PRKG1: variants seen among roughly 807,000 people sequenced by gnomAD.
PRKG1 encodes cGMP-dependent protein kinase 1.
PRKG1 carries 35 observed loss-of-function variants against 88.1 expected under a neutral mutation model. The ratio of observed to expected loss-of-function variants is 0.40; its 90% CI spans 0.30 to 0.53. The LOEUF (loss-of-function observed/expected upper bound fraction) is 0.53. Ranked by LOEUF, PRKG1 falls within the 20% of genes least tolerant of loss-of-function variation. The pLI, the probability that PRKG1 is intolerant of heterozygous loss-of-function variation, is 0.59. For missense variants in PRKG1, 540 were observed against 839.8 expected (o/e 0.64, Z 4.41); for synonymous variants, 303 against 292.5 (o/e 1.04, Z -0.37).
At chr10:51,489,549 G>T (rs1840650273) in intron 3 of PRKG1, among the ~76,000 whole-genome samples, 1 of 152,178 alleles carries the variant, frequency 6.6e-6, no homozygotes, top group South Asian at 2.1e-4. Context: ...AGGCACTTCT[G>T]ATCCACACTA....
At chr10:51,136,977 T>C (rs1016754029) in intron 1 of PRKG1, among the ~76,000 whole-genome samples, 1 of 152,096 alleles carries the variant, frequency 6.6e-6, no homozygotes, top group Admixed American at 6.5e-5. Context: ...TCTTGCCTCC[T>C]GGGTTCATGC....
intron 7 of PRKG1, among the ~76,000 whole-genome samples, chr10:52,125,017 T>C (rs1228104367): frequency 6.6e-5 from 10 of 152,196 alleles, no homozygotes; most frequent in Non-Finnish European, 7.3e-5. Flanking sequence ...GAGGCTCTTT[T>C]ATATTAAGCC....
intron 3 of PRKG1, among the ~76,000 whole-genome samples, chr10:51,538,476 G>A (rs1451399402): frequency 4.6e-5 from 3 of 65,924 alleles, no homozygotes; most frequent in Non-Finnish European, 6.8e-5. Flanking sequence ...ATGATGTTCA[G>A]CACATTATAT....
intron 9 of PRKG1, among the ~76,000 whole-genome samples, chr10:52,206,173 T>A (rs933203525): frequency 6.6e-6 from 1 of 152,206 alleles, no homozygotes. Context: ...TCTGAGATAT[T>A]TTTTTGTCTC....
intron 9 of PRKG1, among the ~76,000 whole-genome samples, chr10:52,228,923 C>G (rs1319619435): frequency 6.6e-6 from 1 of 152,200 alleles, no homozygotes; most frequent in Non-Finnish European, 1.5e-5. Context: ...CAGTTCGTCT[C>G]AGAAACATTA....
chr10:51,897,398 G>C (rs1457874104), intron 4 of PRKG1, among the ~76,000 whole-genome samples: 2 of 152,096 alleles, frequency 1.3e-5, no homozygotes, highest in African/African-American at 4.8e-5. Context: ...GCTTCCCAGA[G>C]ATAATTAATA....
intron 3 of PRKG1, among the ~76,000 whole-genome samples, chr10:51,619,629 C>T (rs1185742170): frequency 2.0e-5 from 3 of 152,274 alleles, no homozygotes; most frequent in South Asian, 4.1e-4. Context: ...TTTGAGTTTG[C>T]TACAGATGAT....
chr10:51,170,473 C>A lies in PRKG1; in HGVS notation c.478+17143C>A, dbSNP rs946576367. 4.7e-5 allele frequency among the ~76,000 whole-genome samples: 7 copies of A among 149,550 alleles called. No homozygotes were observed. In the East Asian group the frequency reaches 9.8e-4, roughly 21 times the overall value. On this transcript the variant is annotated intron_variant, in intron 2 of 17. Transcript: ENST00000373980. ...ACACACACACACACACACACACAAC[C>A]AGGAGGTAATAATGGCTATGAAAAC...
intron 3 of PRKG1, among the ~76,000 whole-genome samples, chr10:51,489,999 C>A (rs1652706916): frequency 6.6e-6 from 1 of 152,090 alleles, no homozygotes; most frequent in Admixed American, 6.6e-5. Flanking sequence ...GGAAACTTTT[C>A]TTTGAAGAAC....
At chr10:52,185,127 G>C (rs778332735) in intron 9 of PRKG1, 4 of 152,126 alleles carry the variant, frequency 2.6e-5, no homozygotes, top group Non-Finnish European at 4.4e-5. Flanking sequence ...AAAGTCTTAA[G>C]TCTTATCTGA....
At chr10:51,011,582 A>G (rs1373424932) in intron 1 of PRKG1, among the ~76,000 whole-genome samples, 1 of 152,176 alleles carries the variant, frequency 6.6e-6, no homozygotes, top group Non-Finnish European at 1.5e-5. Context: ...GGCTGCCAAA[A>G]ATTATTTAAT....
chr10:51,788,750 G>A (rs1255884711), intron 3 of PRKG1, among the ~76,000 whole-genome samples: 2 of 152,148 alleles, frequency 1.3e-5, no homozygotes, highest in Non-Finnish European at 1.5e-5. Flanking sequence ...AGGTGGCAGC[G>A]AACTGAGGTG....
chr10:51,137,140 C>T (rs1845706548), intron 1 of PRKG1, among the ~76,000 whole-genome samples: 2 of 152,184 alleles, frequency 1.3e-5, no homozygotes, highest in South Asian at 4.2e-4. Flanking sequence ...CTGCCTCGGC[C>T]TCCCAAAGTG....
intron 3 of PRKG1, among the ~76,000 whole-genome samples, chr10:51,751,893 T>G (rs1564632989): frequency 1.3e-5 from 2 of 152,146 alleles, no homozygotes; most frequent in Non-Finnish European, 2.9e-5. Context: ...CGTAAAGTAA[T>G]AAATATCTGA....
At chr10:51,165,011 A>G in intron 2 of PRKG1, among the ~76,000 whole-genome samples, 1 of 152,206 alleles carries the variant, frequency 6.6e-6, no homozygotes, top group Admixed American at 6.5e-5. Flanking sequence ...CAATCTAGCA[A>G]GGCAGGCCAA....
chr10:51,490,062 A>G (rs762219878), intron 3 of PRKG1, among the ~76,000 whole-genome samples: 1 of 152,242 alleles, frequency 6.6e-6, no homozygotes, highest in Admixed American at 6.6e-5. Context: ...ATTTCTAAAC[A>G]AGATGAAACA....
chr10:51,634,650 C>T (rs1839610346), intron 3 of PRKG1, among the ~76,000 whole-genome samples: 1 of 152,060 alleles, frequency 6.6e-6, no homozygotes, highest in South Asian at 2.1e-4. Context: ...CGACTTTACA[C>T]TAGTCATGAT....
intron 1 of PRKG1, among the ~76,000 whole-genome samples, chr10:51,124,896 A>G (rs960656007): frequency 6.6e-6 from 1 of 152,204 alleles, no homozygotes; most frequent in African/African-American, 2.4e-5. Flanking sequence ...CTGTAGTTCT[A>G]CCACAAAGAT....
At position 51,199,043 on chromosome 10, in the gene PRKG1, G is replaced by A. The variant is rs118109477; in HGVS notation, c.478+45713G>A. Among the ~76,000 whole-genome samples the A allele has an allele frequency of 6.3e-4, 96 of 152,276 alleles. No individual in the cohort carries two copies. In the East Asian group the frequency reaches 0.015, roughly 24 times the overall value. ...AAATCAGAAGTGCAAAAAGGGTGAC[G>A]AACATCTGATTGTTAAAGCATTGTT... is the stretch of plus-strand genomic sequence containing the variant. On this transcript the variant is annotated intron_variant, in intron 2 of 17. Coordinates refer to ENST00000373980, the MANE Select transcript of PRKG1 (RefSeq NM_006258.4).
Sources: gnomAD v4.1 joint callset for allele counts (sites outside exome capture counted in the v4.1 genomes callset) on GRCh38, gnomAD v4.1.1 for gene constraint, MANE v1.5 for transcripts, NCBI Gene and HGNC (gene_info 2026-07-23, HGNC 2026-07-21) for gene names.